Variants in MACROD2 observed in about 807,000 individuals in gnomAD.
The protein encoded by MACROD2 is mono-ADP ribosylhydrolase 2, also known as ADP-ribose glycohydrolase MACROD2.
In MACROD2, 36 loss-of-function variants were observed where a neutral mutation model predicts 70.4. The ratio of observed to expected loss-of-function variants is 0.51; its 90% CI spans 0.39 to 0.68. The LOEUF (loss-of-function observed/expected upper bound fraction) is 0.68, where lower values mean the gene tolerates loss of function less well. MACROD2 is among the 30% of genes least tolerant of loss of function. The pLI is 0.00. For missense variants in MACROD2, 496 were observed against 538.4 expected (o/e 0.92, Z 0.78); for synonymous variants, 172 against 178.8 (o/e 0.96, Z 0.30).
intron 8 of MACROD2, among the ~76,000 whole-genome samples, chr20:15,753,852 T>TGC: frequency 6.6e-6 from 1 of 152,218 alleles, no homozygotes; most frequent in Non-Finnish European, 1.5e-5. Context: ...TTGATTTGCA[T>TGC]GGCTCACATT....
chr20:14,728,787 A>T (rs2071559821), intron 5 of MACROD2, among the ~76,000 whole-genome samples: 1 of 152,226 alleles, frequency 6.6e-6, no homozygotes, highest in African/African-American at 2.4e-5. Context: ...ATAAATTATT[A>T]TAAGCTTCTT....
At position 15,877,471 on chromosome 20, in the gene MACROD2, A is replaced by G. The variant is rs1373889938; in HGVS notation, c.728-8293A>G. Among the ~76,000 whole-genome samples the G allele has an allele frequency of 4.7e-5, 7 of 147,712 alleles. No homozygotes were observed. In the South Asian group the frequency reaches 1.4e-3, roughly 31 times the overall value. Reference sequence around the variant, plus strand: ...AAAAAGTTCCCTTTTTTTTAAAAGAACAACAAAATTTCTCCTGGCTTTATC... The same window carrying G: ...AAAAAGTTCCCTTTTTTTTAAAAGAGCAACAAAATTTCTCCTGGCTTTATC... On this transcript the variant is annotated intron_variant, in intron 9 of 17. Transcript: ENST00000684519.
intron 8 of MACROD2, among the ~76,000 whole-genome samples, chr20:15,549,311 A>G (rs1410700856): frequency 6.6e-6 from 1 of 152,236 alleles, no homozygotes; most frequent in South Asian, 2.1e-4. Context: ...AGATTGAGGT[A>G]GAAATGGATC....
At chr20:15,362,529 C>A (rs1437330218) in intron 6 of MACROD2, among the ~76,000 whole-genome samples, 1 of 151,936 alleles carries the variant, frequency 6.6e-6, no homozygotes, top group Non-Finnish European at 1.5e-5. Context: ...TTGTCAAATT[C>A]TTTTCCTGCA....
intron 3 of MACROD2, among the ~76,000 whole-genome samples, chr20:14,312,755 C>A (rs1356526363): frequency 6.6e-6 from 1 of 152,134 alleles, no homozygotes; most frequent in Non-Finnish European, 1.5e-5. Flanking sequence ...TTTACCAATT[C>A]TATAAAGTGG....
At chr20:15,140,712 G>C (rs2076185419) in intron 5 of MACROD2, among the ~76,000 whole-genome samples, 1 of 152,098 alleles carries the variant, frequency 6.6e-6, no homozygotes, top group Non-Finnish European at 1.5e-5. Context: ...GGTCAAAAGT[G>C]GTGAGACAAG....
chr20:14,517,087 G>T (rs2085109819), intron 4 of MACROD2, among the ~76,000 whole-genome samples: 2 of 152,190 alleles, frequency 1.3e-5, no homozygotes, highest in South Asian at 4.1e-4. Context: ...TACACTGTTA[G>T]TGGGAGTGTA....
At chr20:15,408,080 C>G (rs1254119444) in intron 6 of MACROD2, among the ~76,000 whole-genome samples, 1 of 152,122 alleles carries the variant, frequency 6.6e-6, no homozygotes, top group African/African-American at 2.4e-5. Flanking sequence ...GGCTTTTTTT[C>G]TTAATTTAGG....
intron 3 of MACROD2, among the ~76,000 whole-genome samples, chr20:14,190,728 T>TTTTTTTTTTTTTTTTTTTC: frequency 1.4e-5 from 1 of 71,660 alleles, no homozygotes; most frequent in Non-Finnish European, 2.6e-5. Flanking sequence ...TTTTTTTTTT[T>TTTTTTTTTTTTTTTTTTTC]CCAGAGTCTT....
At chr20:15,708,658 AGG>A (rs1255762616) in intron 8 of MACROD2, among the ~76,000 whole-genome samples, 1 of 141,236 alleles carries the variant, frequency 7.1e-6, no homozygotes, top group African/African-American at 2.5e-5. Flanking sequence ...GGATTGCTTA[AGG>A]CCAGGAGTTC....
chr20:14,634,685 G>A (rs1984690552), intron 4 of MACROD2, among the ~76,000 whole-genome samples: 1 of 152,192 alleles, frequency 6.6e-6, no homozygotes, highest in African/African-American at 2.4e-5. Context: ...GGCATAGAAT[G>A]ATAGGAAAGA....
At chr20:14,090,510 T>C (rs1395363910) in intron 3 of MACROD2, among the ~76,000 whole-genome samples, 1 of 150,638 alleles carries the variant, frequency 6.6e-6, no homozygotes, top group Non-Finnish European at 1.5e-5. Flanking sequence ...GAGGTGGAGG[T>C]TGCAATGAGC....
At chr20:15,109,445 G>GTTGC (rs1485253965) in intron 5 of MACROD2, among the ~76,000 whole-genome samples, 3 of 152,096 alleles carry the variant, frequency 2.0e-5, no homozygotes, top group Non-Finnish European at 2.9e-5. Context: ...TTTTTAAAGG[G>GTTGC]TTGCTGACAG....
intron 4 of MACROD2, among the ~76,000 whole-genome samples, chr20:14,517,953 G>A (rs886780884): frequency 6.6e-6 from 1 of 151,816 alleles, no homozygotes; most frequent in African/African-American, 2.4e-5. Flanking sequence ...GGTGAAAAAA[G>A]TACTGTCAGT....
intron 5 of MACROD2, among the ~76,000 whole-genome samples, chr20:14,822,778 T>TATA (rs1321680564): frequency 2.0e-5 from 3 of 152,130 alleles, no homozygotes; most frequent in African/African-American, 7.2e-5. Flanking sequence ...CGATAATTAT[T>TATA]ATCATACATC....
chr20:14,256,214 T>G (rs1290962577), intron 3 of MACROD2, among the ~76,000 whole-genome samples: 1 of 152,144 alleles, frequency 6.6e-6, no homozygotes, highest in Non-Finnish European at 1.5e-5. Context: ...GGTTCTTATT[T>G]TCACTTATAC....
intron 7 of MACROD2, among the ~76,000 whole-genome samples, chr20:15,477,595 C>A (rs1017561333): frequency 2.6e-5 from 4 of 152,054 alleles, no homozygotes; most frequent in Non-Finnish European, 5.9e-5. Flanking sequence ...GGGGAGTAAA[C>A]CCAATGAAGG....
chr20:15,152,153 G>GT (rs1198790019), intron 5 of MACROD2, among the ~76,000 whole-genome samples: 1 of 151,950 alleles, frequency 6.6e-6, no homozygotes, highest in East Asian at 1.9e-4. Context: ...TGAAAGTGCC[G>GT]TTTTCCGGCT....
At chr20:15,596,017 A>G (rs970888654) in intron 8 of MACROD2, among the ~76,000 whole-genome samples, 2 of 152,216 alleles carry the variant, frequency 1.3e-5, no homozygotes, top group African/African-American at 4.8e-5. Context: ...TTACTGTTCT[A>G]TTTCCTTCAT....
Sources: allele counts gnomAD v4.1 joint callset (sites outside exome capture counted in the v4.1 genomes callset), GRCh38; gene constraint gnomAD v4.1.1; transcripts MANE v1.5; gene names NCBI Gene and HGNC (gene_info 2026-07-23, HGNC 2026-07-21).